Variants in CEP192 observed in about 807,000 individuals in gnomAD.
CEP192 encodes the protein centrosomal protein 192, also known as centrosomal protein of 192 kDa.
Under a neutral mutation model 271.8 loss-of-function variants are expected in CEP192, and 151 were observed. The ratio of observed to expected loss-of-function variants is 0.56; its 90% confidence interval spans 0.49 to 0.64. The LOEUF is 0.64. Among genes scored for constraint, CEP192 ranks in the 30% least tolerant of loss-of-function variants. The pLI is 0.00. For synonymous variants in CEP192, 995 were observed against 1,076.5 expected, an observed-to-expected ratio of 0.92 and a Z score of 1.48; for missense variants, 2,910 against 3,020.5, an observed-to-expected ratio of 0.96 and a Z score of 0.86.
rs190828100 is a variant in CEP192 at position 13,119,583 on chromosome 18, A to C, written c.7475+1940A>C. On this transcript the variant is annotated intron_variant, in intron 44 of 44. Transcript: ENST00000506447. Reference sequence around the variant, plus strand: ...ATTATGAAACCCCATCTCCACTAAAACTGCAAAAATTAGCCACGCATGGTG... The same window carrying C: ...ATTATGAAACCCCATCTCCACTAAACCTGCAAAAATTAGCCACGCATGGTG... Among the ~76,000 whole-genome samples the C allele has an allele frequency of 1.4e-3, 208 of 152,230 alleles. 1 individual carries two copies. The Middle Eastern group carries it at 0.02, about 15-fold the overall frequency.
chr18:13,055,334 T>C (rs1428879521), intron 18 of CEP192, among the ~76,000 whole-genome samples: 3 of 151,610 alleles, frequency 2.0e-5, no homozygotes, highest in Non-Finnish European at 4.4e-5. Context: ...GGCAGTAGCA[T>C]GGACAGATGG....
intron 39 of CEP192, 122 bp downstream of exon 39, chr18:13,103,710 C>CA (rs1282108279): frequency 2.3e-6 from 2 of 856,328 alleles, no homozygotes; most frequent in Non-Finnish European, 3.9e-6. Flanking sequence ...TTTTCTGAGA[C>CA]AAAAAAGTCT....
chr18:13,013,221 G>C (rs1323442217), intron 5 of CEP192, among the ~76,000 whole-genome samples, 196 bp downstream of exon 5: 1 of 151,892 alleles, frequency 6.6e-6, no homozygotes, highest in Non-Finnish European at 1.5e-5. Flanking sequence ...CTGGTGCCTG[G>C]GACTGTATTC....
chr18:12,998,719 C>T (rs1190102487), intron 1 of CEP192, among the ~76,000 whole-genome samples: 1 of 152,024 alleles, frequency 6.6e-6, no homozygotes, highest in African/African-American at 2.4e-5. Flanking sequence ...TATCCTTCTG[C>T]CATTATTTCC....
chr18:13,069,805 A>C lies in CEP192; in HGVS notation c.5123A>C (p.His1708Pro). The C allele has an allele frequency of 6.2e-7, 1 of 1,606,560 alleles. No homozygotes were observed. Among genetic ancestry groups the C allele is most frequent in the Non-Finnish European group, 8.5e-7 (1 of 1,173,370 alleles). The change falls in exon 27 of 45, where the codon CAT becomes CCT. Residue 1708 changes from histidine (H) to proline (P), a missense_variant. Coordinates refer to ENST00000506447, the MANE Select transcript of CEP192 (RefSeq NM_032142.4). ...CTACTCCTTAAACCTGGAGAAGAACATGAGGTTATTGTTTCATTTACTCCA... is the reference window on the plus strand; with the variant it reads ...CTACTCCTTAAACCTGGAGAAGAACCTGAGGTTATTGTTTCATTTACTCCA... ...KNLLLKPGEEHEVIVSFTPKD... is the reference protein window; with the variant it reads ...KNLLLKPGEEPEVIVSFTPKD...
intron 40 of CEP192, among the ~76,000 whole-genome samples, 181 bp from the exon 41 acceptor site, chr18:13,113,405 C>A (rs975396165): frequency 1.3e-5 from 2 of 152,218 alleles, no homozygotes; most frequent in Non-Finnish European, 2.9e-5. Context: ...TGTTTTGGAT[C>A]TGGTATAGTA....
At chr18:13,103,379 G>T in intron 38 of CEP192, 130 bp from the exon 39 acceptor site, 1 of 669,844 alleles carries the variant, frequency 1.5e-6, no homozygotes, top group Non-Finnish European at 2.7e-6. Context: ...TGTGGTTCTT[G>T]TTGAACTCCT....
chr18:13,084,786 G>T (rs114380422), intron 30 of CEP192, among the ~76,000 whole-genome samples: 1 of 151,826 alleles, frequency 6.6e-6, no homozygotes, highest in African/African-American at 2.4e-5. Flanking sequence ...CCATTCTCAC[G>T]CATGAGATGG....
chr18:13,073,118 C>G lies in CEP192; in HGVS notation c.5549C>G (p.Ser1850Cys), dbSNP rs746651716. 160 of 1,613,744 alleles carry G rather than the reference C, an allele frequency of 9.9e-5. No individual in the cohort carries two copies. Among genetic ancestry groups the G allele is most frequent in the Admixed American group, 4.8e-4 (29 of 59,918 alleles). Residue 1850 changes from serine to cysteine, a missense_variant, in exon 30 of 45, where the codon TCT becomes TGT. By Grantham distance (112) the Ser-to-Cys change is moderately radical. Coordinates refer to ENST00000506447, the MANE Select transcript of CEP192 (RefSeq NM_032142.4). ...GTATTATTTGCACCTACTCGATTAT[C>G]TTGCATGTTGGCTAGACTAGAAATC... ...ISVLFAPTRL[S>C]CMLARLEIKQ...
intron 27 of CEP192, 61 bp from the exon 28 acceptor site, chr18:13,070,978 G>A (rs2037981131): frequency 1.4e-6 from 2 of 1,385,640 alleles, no homozygotes; most frequent in South Asian, 2.5e-5. Context: ...GAAACATATA[G>A]GAAATAGTTG....
chr18:13,004,220 G>T (rs1207443969), intron 3 of CEP192, among the ~76,000 whole-genome samples: 1 of 152,166 alleles, frequency 6.6e-6, no homozygotes, highest in African/African-American at 2.4e-5. Flanking sequence ...TAGACAGCTT[G>T]TGGAGTTTTG....
chr18:13,028,548 T>C (rs751629909), intron 9 of CEP192, among the ~76,000 whole-genome samples: 3 of 152,216 alleles, frequency 2.0e-5, no homozygotes, highest in Non-Finnish European at 4.4e-5. Context: ...AGACGAAGTC[T>C]CACTCTTGTC....
At chr18:13,118,454 C>T (rs1239154204) in intron 44 of CEP192, among the ~76,000 whole-genome samples, 1 of 152,156 alleles carries the variant, frequency 6.6e-6, no homozygotes, top group East Asian at 1.9e-4. Flanking sequence ...AAAGATGGCT[C>T]GATTGAGGAC....
At chr18:13,106,073 T>C (rs893463606) in intron 40 of CEP192, among the ~76,000 whole-genome samples, 1 of 152,136 alleles carries the variant, frequency 6.6e-6, no homozygotes, top group African/African-American at 2.4e-5. Flanking sequence ...AAAATTCATA[T>C]GAAGCTAAAA....
chr18:13,049,073 A>G lies in CEP192; in HGVS notation c.2282A>G (p.His761Arg). Residue 761 changes from histidine (H) to arginine (R), a missense_variant, in exon 16 of 45, where the codon CAT (histidine) becomes CGT (arginine). Physicochemically the swap from His to Arg is conservative, Grantham distance 29 (BLOSUM62 0). Coordinates refer to ENST00000506447, the MANE Select transcript of CEP192 (RefSeq NM_032142.4). ...QEDEKQKDYSHVRHFLPNDLE... is the reference protein window; with the variant it reads ...QEDEKQKDYSRVRHFLPNDLE... ...GATGAGAAACAAAAGGACTATTCTCATGTGCGTCATTTCTTACCTAATGAT... is the reference window on the plus strand; with the variant it reads ...GATGAGAAACAAAAGGACTATTCTCGTGTGCGTCATTTCTTACCTAATGAT... 6.2e-7 allele frequency: 1 copy of G among 1,614,022 alleles called. No homozygotes were observed. The highest frequency in any genetic ancestry group is 8.5e-7 in the Non-Finnish European group (1 of 1,179,882).
intron 44 of CEP192, among the ~76,000 whole-genome samples, chr18:13,121,676 T>A (rs536937535): frequency 2.6e-5 from 4 of 152,340 alleles, no homozygotes; most frequent in African/African-American, 9.6e-5. Context: ...CCCAAAAGCA[T>A]CTTTCTCTTA....
At chr18:13,057,494 T>C in intron 19 of CEP192, 91 bp from the exon 20 acceptor site, 2 of 1,412,218 alleles carry the variant, frequency 1.4e-6, no homozygotes, top group Non-Finnish European at 1.9e-6. Context: ...AAACAGGCCA[T>C]CTTATAAACT....
At chr18:13,018,130 C>T (rs9959451) in intron 7 of CEP192, among the ~76,000 whole-genome samples, 425 of 152,276 alleles carry the variant, frequency 2.8e-3, no homozygotes, top group Middle Eastern at 6.8e-3. Context: ...CACCGGGAGA[C>T]GTTTATCTCT....
At position 13,013,175 on chromosome 18, in the gene CEP192, G is replaced by A. The variant is rs192855122; in HGVS notation, c.519+150G>A. On this transcript the variant is annotated intron_variant, in intron 5 of 44. Transcript: ENST00000506447. ...TTATCCAGCTTCAGTAAAAATGGGA[G>A]TTTCTCTCAAGTAATGAGAAGGTTC... 20 of 535,988 alleles carry A rather than the reference G, an allele frequency of 3.7e-5. No homozygotes were observed. In the South Asian group the frequency reaches 5.3e-4, roughly 14 times the overall value. 33.2% of individuals were successfully genotyped at this position (535,988 alleles called of 1,614,324 possible).
Sources: gnomAD v4.1 joint callset for allele counts (sites outside exome capture counted in the v4.1 genomes callset) on GRCh38, gnomAD v4.1.1 for gene constraint, MANE v1.5 for transcripts, NCBI Gene and HGNC (gene_info 2026-07-23, HGNC 2026-07-21) for gene names.